Variants in EHBP1 observed in about 807,000 individuals in gnomAD.
EHBP1 encodes EH domain binding protein 1.
Under a neutral mutation model 144.0 loss-of-function variants are expected in EHBP1, and 55 were observed. That is an observed-to-expected ratio of 0.38 (90% CI 0.31 to 0.48). The LOEUF (loss-of-function observed/expected upper bound fraction) is 0.48, where lower values mean the gene tolerates loss of function less well. Ranked by LOEUF, EHBP1 falls within the 20% of genes least tolerant of loss-of-function variation. The pLI, the probability that EHBP1 is intolerant of heterozygous loss-of-function variation, is 0.98. For missense variants in EHBP1, 1,200 were observed against 1,364.2 expected (o/e 0.88, Z 1.90); for synonymous variants, 469 against 472.7 (o/e 0.99, Z 0.10).
At chr2:62,910,293 A>G (rs2054114207) in intron 10 of EHBP1, among the ~76,000 whole-genome samples, 1 of 152,176 alleles carries the variant, frequency 6.6e-6, no homozygotes, top group Non-Finnish European at 1.5e-5. Context: ...AAAAGTGGTT[A>G]AGTACTTCAA....
At chr2:62,788,342 G>GT (rs921136489) in intron 5 of EHBP1, among the ~76,000 whole-genome samples, 3 of 151,742 alleles carry the variant, frequency 2.0e-5, no homozygotes, top group African/African-American at 7.3e-5. Flanking sequence ...GTGTTGTGAT[G>GT]TTTTTTCCCT....
At chr2:62,733,748 G>A (rs2037840774) in intron 2 of EHBP1, among the ~76,000 whole-genome samples, 1 of 152,326 alleles carries the variant, frequency 6.6e-6, no homozygotes, top group African/African-American at 2.4e-5. Flanking sequence ...GAACCTGGTA[G>A]GGCTCCTGGA....
At position 62,955,687 on chromosome 2, in the gene EHBP1, A is replaced by AT. The variant is rs780916233; in HGVS notation, c.2460+28dup. The AT allele has an allele frequency of 9.5e-6, 15 of 1,583,838 alleles. No individual in the cohort carries two copies. In the South Asian group the frequency reaches 1.6e-4, roughly 17 times the overall value. On this transcript the variant is annotated intron_variant, in intron 14 of 22. Transcript: ENST00000431489. ...TGAGGAGCATTGGTTAAAAAAGACC[A>AT]TAAGTTGTTCATTGTAATCATGGGG... is the stretch of plus-strand genomic sequence containing the variant.
At chr2:62,729,474 AAAATATAT>A (rs2037233708) in intron 2 of EHBP1, among the ~76,000 whole-genome samples, 1 of 117,852 alleles carries the variant, frequency 8.5e-6, no homozygotes, top group African/African-American at 3.4e-5. Context: ...TAAATATATA[AAAATATAT>A]ATAAATATAT....
In EHBP1 at chr2:62,831,106, AGAT is replaced by A. The variant is rs1447600154; in HGVS notation, c.591_593del (p.Asp197del). 122 of 1,609,940 alleles carry A rather than the reference AGAT, an allele frequency of 7.6e-5. No homozygotes were observed. Among genetic ancestry groups the A allele is most frequent in the Non-Finnish European group, 9.9e-5 (117 of 1,178,888 alleles). Reference sequence around the variant, plus strand: ...TAGATGACTTCGAAGAAGATAATGAAGATGATGATGAGAACAGAGTGAACCAAG... The same window carrying A: ...TAGATGACTTCGAAGAAGATAATGAAGATGATGAGAACAGAGTGAACCAAG... On this transcript the variant is annotated inframe_deletion, in exon 7 of 23. Transcript: ENST00000431489.
chr2:62,748,747 T>C (rs2039389035), intron 3 of EHBP1, among the ~76,000 whole-genome samples: 1 of 152,184 alleles, frequency 6.6e-6, no homozygotes, highest in African/African-American at 2.4e-5. Context: ...TGTTGGTTTT[T>C]CTACAAGTAG....
chr2:62,805,673 C>G (rs183550658), intron 5 of EHBP1, among the ~76,000 whole-genome samples: 5 of 152,194 alleles, frequency 3.3e-5, no homozygotes, highest in African/African-American at 9.6e-5. Context: ...CACCACCACA[C>G]CTGACTAATT....
chr2:62,890,158 G>A (rs1018117367), intron 10 of EHBP1, among the ~76,000 whole-genome samples: 56 of 151,460 alleles, frequency 3.7e-4, no homozygotes, highest in African/African-American at 1.2e-3. Context: ...ACTGGGTCTC[G>A]ATCTCCAGAC....
At chr2:62,997,660 G>A (rs1014398175) in intron 19 of EHBP1, among the ~76,000 whole-genome samples, 9 of 151,922 alleles carry the variant, frequency 5.9e-5, no homozygotes, top group African/African-American at 2.2e-4. Flanking sequence ...ATTTAGGATT[G>A]GAAAGCTTTC....
intron 7 of EHBP1, among the ~76,000 whole-genome samples, chr2:62,837,817 C>T (rs1055610432): frequency 9.9e-5 from 15 of 151,092 alleles, no homozygotes; most frequent in South Asian, 2.1e-4. Context: ...GCACCCAATA[C>T]GGGAGCACCC....
At chr2:62,679,096 ATAGCC>A (rs886305428) in intron 1 of EHBP1, among the ~76,000 whole-genome samples, 1 of 152,246 alleles carries the variant, frequency 6.6e-6, no homozygotes, top group African/African-American at 2.4e-5. Flanking sequence ...CTTGGACTCT[ATAGCC>A]TATGCTTTGT....
intron 19 of EHBP1, among the ~76,000 whole-genome samples, chr2:63,003,761 A>G (rs1489411715): frequency 6.6e-6 from 1 of 152,100 alleles, no homozygotes; most frequent in East Asian, 1.9e-4. Context: ...GGGGATTATA[A>G]TTCCAGAGGT....
Position 62,948,401 on chromosome 2 carries a change from G to C in EHBP1, c.1555G>C (p.Val519Leu). The C allele has an allele frequency of 1.2e-6, 2 of 1,613,996 alleles. No homozygotes were observed. The highest frequency in any genetic ancestry group is 1.7e-6 in the Non-Finnish European group (2 of 1,179,938). The change falls in exon 13 of 23, where the codon GTC (valine) becomes CTC (leucine). Residue 519 changes from valine to leucine, a missense_variant. This residue lies in a region of EHBP1 where 94 missense variants were observed against 143.0 expected (regional missense o/e 0.66). Coordinates refer to ENST00000431489, the MANE Select transcript of EHBP1 (RefSeq NM_001142616.3). ...RAHFSGQELN[V>L]VQIEENSSKS... ...ACATTTCAGTGGCCAAGAACTAAATGTCGTTCAGATAGAGGAAAACAGCAG... is the reference window on the plus strand; with the variant it reads ...ACATTTCAGTGGCCAAGAACTAAATCTCGTTCAGATAGAGGAAAACAGCAG...
intron 3 of EHBP1, among the ~76,000 whole-genome samples, chr2:62,759,189 G>T (rs1367650120): frequency 6.6e-6 from 1 of 152,176 alleles, no homozygotes; most frequent in Non-Finnish European, 1.5e-5. Context: ...AATTGTAGAA[G>T]GGGACCAGGA....
chr2:63,024,274 G>A (rs2060880304), intron 19 of EHBP1, among the ~76,000 whole-genome samples: 1 of 152,214 alleles, frequency 6.6e-6, no homozygotes, highest in Admixed American at 6.5e-5. Flanking sequence ...AACTCGGGAG[G>A]TGGAGATTGC....
chr2:62,844,346 AC>A (rs1271152439), intron 7 of EHBP1, among the ~76,000 whole-genome samples: 1 of 152,190 alleles, frequency 6.6e-6, no homozygotes, highest in Non-Finnish European at 1.5e-5. Context: ...TCAGGCAGGA[AC>A]CATTTATTGA....
At chr2:62,704,838 T>A (rs1312082735), upstream of EHBP1, among the ~76,000 whole-genome samples, 1 of 152,196 alleles carries the variant, frequency 6.6e-6, no homozygotes, top group Non-Finnish European at 1.5e-5. Context: ...GGCCCTTGGC[T>A]CTTTTAACAA....
intron 5 of EHBP1, among the ~76,000 whole-genome samples, chr2:62,778,603 G>A (rs2042205949): frequency 6.7e-6 from 1 of 150,304 alleles, no homozygotes; most frequent in Non-Finnish European, 1.5e-5. Context: ...TGTTTCTTTT[G>A]TTGGATTATG....
intron 19 of EHBP1, among the ~76,000 whole-genome samples, chr2:63,022,092 G>A (rs1306340185): frequency 2.6e-5 from 4 of 152,018 alleles, no homozygotes; most frequent in Admixed American, 6.6e-5. Flanking sequence ...TTAAAAATAC[G>A]GATGCTAATG....
Sources: gnomAD v4.1 joint callset for allele counts (sites outside exome capture counted in the v4.1 genomes callset) on GRCh38, gnomAD v4.1.1 for gene constraint, gnomAD v4.1.1 regional missense constraint, MANE v1.5 for transcripts, NCBI Gene and HGNC (gene_info 2026-07-23, HGNC 2026-07-21) for gene names.